NXN: variants seen among roughly 807,000 people sequenced by gnomAD.
The protein encoded by NXN is nucleoredoxin.
Under a neutral mutation model 48.6 loss-of-function variants are expected in NXN, and 16 were observed. That is an observed-to-expected ratio of 0.33 (90% CI 0.22 to 0.50). NXN has a LOEUF of 0.50. NXN is among the 20% of genes least tolerant of loss of function. The probability of loss-of-function intolerance (pLI) is 0.98; values close to 1 mark genes in which losing one functional copy is unlikely to be tolerated. For missense variants in NXN, 492 were observed against 605.5 expected (o/e 0.81, Z 1.97); for synonymous variants, 281 against 269.6 (o/e 1.04, Z -0.41).
chr17:951,219 G>A (rs762205326), intron 1 of NXN, among the ~76,000 whole-genome samples: 6 of 147,734 alleles, frequency 4.1e-5, no homozygotes, highest in South Asian at 2.2e-4. Context: ...GCGTGGTAGC[G>A]GGCGCCTGTA....
chr17:958,568 C>G lies in NXN; in HGVS notation c.360+20751G>C, dbSNP rs997110851. ...CGGGTGGATCACGAGGTCAGGAGTT[C>G]GAGACCAGCCTGGCCAACATGGTGA... is the stretch of plus-strand genomic sequence containing the variant. On this transcript the variant is annotated intron_variant, in intron 1 of 7. Coordinates refer to ENST00000336868, the MANE Select transcript of NXN (RefSeq NM_022463.5). The surrounding 1 kb of genome is among the most constrained non-coding windows in gnomAD (Gnocchi z 6.9). Among the ~76,000 whole-genome samples the G allele has an allele frequency of 6.6e-6, 1 of 152,086 alleles. No individual in the cohort carries two copies. Among genetic ancestry groups the G allele is most frequent in the Non-Finnish European group, 1.5e-5 (1 of 68,028 alleles).
chr17:943,115 A>G (rs1354704602), intron 1 of NXN, among the ~76,000 whole-genome samples: 1 of 152,244 alleles, frequency 6.6e-6, no homozygotes, highest in Non-Finnish European at 1.5e-5. Flanking sequence ...CTGCACCAAC[A>G]TACTTCATCG....
At chr17:952,132 G>A (rs1443759022) in intron 1 of NXN, among the ~76,000 whole-genome samples, 1 of 151,382 alleles carries the variant, frequency 6.6e-6, no homozygotes, top group Non-Finnish European at 1.5e-5. Context: ...CCTCCTGCCA[G>A]GACAAGGCCA....
At chr17:886,904 C>A (rs1476794415) in intron 1 of NXN, among the ~76,000 whole-genome samples, 1 of 152,022 alleles carries the variant, frequency 6.6e-6, no homozygotes, top group East Asian at 1.9e-4. Flanking sequence ...GCCTGACAGT[C>A]TGGATAAAAC....
chr17:801,980 A>G (rs1353962215), intron 7 of NXN, among the ~76,000 whole-genome samples: 1 of 152,204 alleles, frequency 6.6e-6, no homozygotes, highest in Non-Finnish European at 1.5e-5. Flanking sequence ...CTGCCTCACT[A>G]CTTATCTGAG....
chr17:853,702 C>CACATATATAT (rs1269027449), intron 1 of NXN, among the ~76,000 whole-genome samples: 1 of 119,316 alleles, frequency 8.4e-6, no homozygotes, highest in Non-Finnish European at 1.7e-5. Flanking sequence ...CTGTTATACA[C>CACATATATAT]ATATATATAT....
rs2069485875 is a variant in NXN at position 978,358 on chromosome 17, G to A, written c.360+961C>T. ...CACAGAGACAGACATCCTCACCCAA[G>A]GGACACACTCAGAAACCCAAACTCA... is the stretch of plus-strand genomic sequence containing the variant. On this transcript the variant is annotated intron_variant, in intron 1 of 7. Transcript: ENST00000336868. The surrounding 1 kb of genome is among the most constrained non-coding windows in gnomAD (Gnocchi z 4.1). 6.6e-6 allele frequency: 1 copy of A among 152,220 alleles called. No individual in the cohort carries two copies. The highest frequency in any genetic ancestry group is 1.5e-5 in the Non-Finnish European group (1 of 68,056). The allele number at this position is 152,220 out of a possible 1,614,324, so 9.4% of individuals were successfully genotyped here.
rs554097965 is a variant in NXN, at chr17:843,114, AAAT to A, written c.361-17039_361-17037del. On this transcript the variant is annotated intron_variant, in intron 1 of 7. Transcript: ENST00000336868. ...CAGACTGAAGTCAATGAACAACAAC[AAAT>A]AACTGAGGTTAAAATAATGGCCACG... 5.3e-5 allele frequency among the ~76,000 whole-genome samples: 8 copies of A among 152,348 alleles called. No individual in the cohort carries two copies. In the South Asian group the frequency reaches 1.7e-3, roughly 32 times the overall value.
intron 5 of NXN, among the ~76,000 whole-genome samples, chr17:814,897 C>A (rs1181364657): frequency 6.6e-6 from 1 of 152,196 alleles, no homozygotes; most frequent in Non-Finnish European, 1.5e-5. Context: ...TCCCGAGTAG[C>A]TGGGATTATA....
rs2069496918 is a variant in NXN, at chr17:978,969, G to C, written c.360+350C>G. On this transcript the variant is annotated intron_variant, in intron 1 of 7. Transcript: ENST00000336868. The surrounding 1 kb of genome is among the most constrained non-coding windows in gnomAD (Gnocchi z 4.1). ...TCCCCGAGCGCAGCCGCCCCCACCC[G>C]AGGCTCCCAGCGTGTGCGGACGGAG... Among the ~76,000 whole-genome samples the C allele has an allele frequency of 6.6e-6, 1 of 150,770 alleles. No homozygotes were observed. Among genetic ancestry groups the C allele is most frequent in the South Asian group, 2.1e-4 (1 of 4,758 alleles).
intron 1 of NXN, among the ~76,000 whole-genome samples, chr17:905,623 G>A (rs765757953): frequency 5.3e-5 from 8 of 152,136 alleles, no homozygotes; most frequent in South Asian, 2.1e-4. Flanking sequence ...GGCCAGTGCC[G>A]TTCAATAGAA....
At chr17:833,710 A>C (rs1032065081) in intron 1 of NXN, among the ~76,000 whole-genome samples, 2 of 152,180 alleles carry the variant, frequency 1.3e-5, no homozygotes, top group African/African-American at 4.8e-5. Flanking sequence ...CGGGAGGTCT[A>C]CAGACCCCAA....
At chr17:809,231 C>A (rs1911767778) in intron 5 of NXN, among the ~76,000 whole-genome samples, 1 of 152,230 alleles carries the variant, frequency 6.6e-6, no homozygotes, top group Non-Finnish European at 1.5e-5. Context: ...GGGCTTGGAA[C>A]ACGGACTCTA....
At chr17:913,338 T>C (rs1261030339) in intron 1 of NXN, among the ~76,000 whole-genome samples, 1 of 152,170 alleles carries the variant, frequency 6.6e-6, no homozygotes, top group African/African-American at 2.4e-5. Context: ...GGATGGCCCA[T>C]TTTCTCCTGG....
intron 1 of NXN, among the ~76,000 whole-genome samples, chr17:955,866 C>T (rs1009603908): frequency 4.0e-5 from 6 of 150,932 alleles, no homozygotes; most frequent in Non-Finnish European, 5.9e-5. Flanking sequence ...TGTGCCACTG[C>T]ACTCCAGCCT....
intron 7 of NXN, among the ~76,000 whole-genome samples, chr17:803,321 C>G (rs565658955): frequency 1.3e-5 from 2 of 152,150 alleles, no homozygotes; most frequent in African/African-American, 4.8e-5. Flanking sequence ...GCAGCCAGCG[C>G]GGAGGCACGA....
rs1217989069 is a variant in NXN, at chr17:841,552, A to G, written c.361-15474T>C. On this transcript the variant is annotated intron_variant, in intron 1 of 7. Transcript: ENST00000336868. ...GACCATGGAGCATCTCACGCCGGCGAGCAGGTCCCCCCTGACCACGGAGCA... is the reference window on the plus strand; with the variant it reads ...GACCATGGAGCATCTCACGCCGGCGGGCAGGTCCCCCCTGACCACGGAGCA... Among the ~76,000 whole-genome samples the G allele has an allele frequency of 3.2e-4, 24 of 74,428 alleles. 1 individual carries two copies. Among genetic ancestry groups the G allele is most frequent in the East Asian group, 1.4e-3 (4 of 2,832 alleles). 48.8% of individuals were successfully genotyped at this position (74,428 alleles called of 152,430 possible).
intron 1 of NXN, among the ~76,000 whole-genome samples, chr17:878,690 G>T (rs1252227459): frequency 6.6e-6 from 1 of 152,066 alleles, no homozygotes; most frequent in Non-Finnish European, 1.5e-5. Context: ...CTCATTAAGG[G>T]ACTAGTGAAA....
chr17:818,890 A>T (rs954200485), intron 5 of NXN, among the ~76,000 whole-genome samples: 1 of 152,038 alleles, frequency 6.6e-6, no homozygotes, highest in Non-Finnish European at 1.5e-5. Flanking sequence ...GTCTCAAAAA[A>T]AAAAAGAAAT....
Sources: gnomAD v4.1 joint callset for allele counts (sites outside exome capture counted in the v4.1 genomes callset) on GRCh38, gnomAD v4.1.1 for gene constraint, Gnocchi (gnomAD v3.1) non-coding constraint, MANE v1.5 for transcripts, NCBI Gene and HGNC (gene_info 2026-07-23, HGNC 2026-07-21) for gene names.